The following PRDM6 variants were observed in gnomAD, a reference collection of about 807,000 sequenced individuals.
PRDM6 encodes putative histone-lysine N-methyltransferase PRDM6.
PRDM6 carries 25 observed loss-of-function variants against 60.8 expected under a neutral mutation model. The observed-to-expected ratio is 0.41, with a 90% confidence interval of 0.30 to 0.57. The LOEUF is 0.57. PRDM6 is among the 20% of genes least tolerant of loss of function. The probability of loss-of-function intolerance (pLI) is 0.27; values close to 1 mark genes in which losing one functional copy is unlikely to be tolerated. For missense variants in PRDM6, 839 were observed against 821.3 expected (o/e 1.02, Z -0.26); for synonymous variants, 407 against 357.4 (o/e 1.14, Z -1.57).
rs1235700350 is a variant in PRDM6 at position 123,099,916 on chromosome 5, G to A, written c.855G>A (p.Glu285=). The A allele has an allele frequency of 1.9e-6, 3 of 1,545,700 alleles. No homozygotes were observed. The highest frequency in any genetic ancestry group is 2.7e-5 in the African/African-American group (2 of 72,908). Residue 285 remains glutamate, a synonymous_variant, in exon 3 of 8, where the codon GAG becomes GAA. Transcript: ENST00000407847. This position sits in a 1 kb window ranked among gnomAD's most constrained non-coding sequence, Gnocchi z 4.0. ...GPFQGVLLPP[E]KVQAGAVRNT... Reference sequence around the variant, plus strand: ...TCCAAGGCGTGCTTCTGCCCCCAGAGAAGGTGCAGGCAGGCGCCGTGAGGA... The same window carrying A: ...TCCAAGGCGTGCTTCTGCCCCCAGAAAAGGTGCAGGCAGGCGCCGTGAGGA...
intron 3 of PRDM6, among the ~76,000 whole-genome samples, chr5:123,121,352 T>C (rs431518): frequency 0.87 from 132,003 of 152,106 alleles, 57,916 homozygotes; most frequent in East Asian, 0.99. Flanking sequence ...TTTCTTTTTT[T>C]GCTTCATTTT....
At chr5:123,133,509 T>A (rs936078029) in intron 3 of PRDM6, among the ~76,000 whole-genome samples, 4 of 152,086 alleles carry the variant, frequency 2.6e-5, no homozygotes, top group Admixed American at 6.6e-5. Flanking sequence ...GAATTAGCAT[T>A]GCAAATACAA....
intron 7 of PRDM6, among the ~76,000 whole-genome samples, chr5:123,182,964 A>G (rs927065428): frequency 7.2e-5 from 11 of 152,270 alleles, no homozygotes; most frequent in Non-Finnish European, 1.5e-4. Context: ...GAATTGATCT[A>G]TCCCAAGGGA....
chr5:123,176,642 G>A (rs1341718692), intron 6 of PRDM6, among the ~76,000 whole-genome samples: 1 of 152,180 alleles, frequency 6.6e-6, no homozygotes, highest in African/African-American at 2.4e-5. Context: ...GAGCACAGGA[G>A]TTTGAGGCTG....
Position 123,099,984 on chromosome 5 carries a change from C to A in PRDM6, c.900+23C>A. ...GAGGTAAGTGGCCGGCTGCACAGCGCCTCCCCACCGAGCAGGAGCCTTGGC... is the reference window on the plus strand; with the variant it reads ...GAGGTAAGTGGCCGGCTGCACAGCGACTCCCCACCGAGCAGGAGCCTTGGC... On this transcript the variant is annotated intron_variant, in intron 3 of 7. Transcript: ENST00000407847. The surrounding 1 kb of genome is among the most constrained non-coding windows in gnomAD (Gnocchi z 4.0). The A allele has an allele frequency of 6.8e-7, 1 of 1,480,540 alleles. No individual in the cohort carries two copies. The highest frequency in any genetic ancestry group is 9.0e-7 in the Non-Finnish European group (1 of 1,107,806). The allele number at this position is 1,480,540 out of a possible 1,614,324, so 91.7% of individuals were successfully genotyped here.
chr5:123,111,685 G>GGGGCGAC (rs1764317175), intron 3 of PRDM6, among the ~76,000 whole-genome samples: 1 of 68,182 alleles, frequency 1.5e-5, no homozygotes, highest in Non-Finnish European at 3.5e-5. Context: ...GCGACAGAGC[G>GGGGCGAC]AGAAAACAAA....
At chr5:123,177,336 AT>A (rs1269159821) in intron 6 of PRDM6, among the ~76,000 whole-genome samples, 2 of 152,320 alleles carry the variant, frequency 1.3e-5, no homozygotes, top group Non-Finnish European at 2.9e-5. Flanking sequence ...CTTTCTATAA[AT>A]TTCTAGGCTG....
chr5:123,165,723 A>C (rs1272980689), intron 5 of PRDM6, among the ~76,000 whole-genome samples: 3 of 152,108 alleles, frequency 2.0e-5, no homozygotes, highest in Non-Finnish European at 4.4e-5. Context: ...CAAGCATCTA[A>C]TCGTATTCCC....
intron 3 of PRDM6, among the ~76,000 whole-genome samples, chr5:123,128,522 A>G (rs891361148): frequency 1.3e-5 from 2 of 152,206 alleles, no homozygotes; most frequent in Non-Finnish European, 2.9e-5. Context: ...ATGACCAGTG[A>G]TGATGAGGAT....
chr5:123,125,513 A>C (rs1380455276), intron 3 of PRDM6, among the ~76,000 whole-genome samples: 1 of 152,244 alleles, frequency 6.6e-6, no homozygotes, highest in Non-Finnish European at 1.5e-5. Flanking sequence ...AATGAAATAT[A>C]CAGTGAGCCA....
At position 123,189,332 on chromosome 5, in the gene PRDM6, A is replaced by C. The variant is rs1338353856; in HGVS notation, c.*2131A>C. The C allele has an allele frequency of 2.6e-5, 4 of 152,184 alleles. No homozygotes were observed. The highest frequency in any genetic ancestry group is 4.4e-5 in the Non-Finnish European group (3 of 68,034). The allele number at this position is 152,184 out of a possible 1,614,324, so 9.4% of individuals were successfully genotyped here. A position where few individuals can be genotyped will look rare whatever the true frequency, so the allele number is the denominator to read the frequency against. On this transcript the variant is annotated 3_prime_UTR_variant, in exon 8 of 8. Coordinates refer to ENST00000407847, the MANE Select transcript of PRDM6 (RefSeq NM_001136239.4). ...TTTTTGAAAACAACAGTAGGGAATCACCTGTATATTTCTAATTTTTTTTTT... is the reference window on the plus strand; with the variant it reads ...TTTTTGAAAACAACAGTAGGGAATCCCCTGTATATTTCTAATTTTTTTTTT...
intron 2 of PRDM6, among the ~76,000 whole-genome samples, chr5:123,092,305 G>C (rs187535857): frequency 2.0e-5 from 3 of 152,320 alleles, no homozygotes; most frequent in Admixed American, 2.0e-4. Flanking sequence ...ATGTCTTACT[G>C]CTAAGTGAAA....
chr5:123,193,702 T>G lies in PRDM6; in HGVS notation c.*6501T>G, dbSNP rs1234332982. Reference sequence around the variant, plus strand: ...TTGGAAACTTAATGTCCCAAGTTAATTATTTTTTTTATATCAAGGGGAAGA... The same window carrying G: ...TTGGAAACTTAATGTCCCAAGTTAAGTATTTTTTTTATATCAAGGGGAAGA... On this transcript the variant is annotated 3_prime_UTR_variant, in exon 8 of 8. Transcript: ENST00000407847. The G allele has an allele frequency of 6.6e-6, 1 of 152,210 alleles. No individual in the cohort carries two copies. The highest frequency in any genetic ancestry group is 6.5e-5 in the Admixed American group (1 of 15,274). 9.4% of individuals were successfully genotyped at this position (152,210 alleles called of 1,614,324 possible). A position where few individuals can be genotyped will look rare whatever the true frequency, so the allele number is the denominator to read the frequency against.
At chr5:123,097,391 C>T (rs1763982416) in intron 2 of PRDM6, among the ~76,000 whole-genome samples, 1 of 152,030 alleles carries the variant, frequency 6.6e-6, no homozygotes, top group African/African-American at 2.4e-5. Context: ...TTAAAAATCT[C>T]TGGGTTTAGA....
At chr5:123,178,858 G>T (rs1372770581) in intron 6 of PRDM6, among the ~76,000 whole-genome samples, 1 of 152,120 alleles carries the variant, frequency 6.6e-6, no homozygotes, top group Non-Finnish European at 1.5e-5. Context: ...TTGTCTCCCG[G>T]CCCTTCATTT....
At position 123,090,166 on chromosome 5, in the gene PRDM6, A is replaced by AGCCGCC. The variant is rs563892036; in HGVS notation, c.162_167dup (p.Pro58_Pro59dup). On this transcript the variant is annotated inframe_insertion, in exon 2 of 8. Coordinates refer to ENST00000407847, the MANE Select transcript of PRDM6 (RefSeq NM_001136239.4). ...CTCCTGAGCGCGCCGCAGCCTCTTCAGCCGCCGCCGCCGCCCCCGCCCCCG... is the reference window on the plus strand; with the variant it reads ...CTCCTGAGCGCGCCGCAGCCTCTTCAGCCGCCGCCGCCGCCGCCGCCCCCGCCCCCG... 12,136 of 1,488,890 alleles carry AGCCGCC rather than the reference A, an allele frequency of 8.2e-3. 67 individuals are homozygous for AGCCGCC. Among genetic ancestry groups the AGCCGCC allele is most frequent in the Middle Eastern group, 0.016 (76 of 4,852 alleles). 92.2% of individuals were successfully genotyped at this position (1,488,890 alleles called of 1,614,324 possible).
At chr5:123,136,808 T>C (rs1764964466) in intron 3 of PRDM6, among the ~76,000 whole-genome samples, 1 of 151,660 alleles carries the variant, frequency 6.6e-6, no homozygotes, top group Admixed American at 6.6e-5. Context: ...ACTTTCAGCG[T>C]TCTCTCTCTG....
intron 2 of PRDM6, among the ~76,000 whole-genome samples, chr5:123,091,753 C>T (rs1763845134): frequency 6.6e-6 from 1 of 152,226 alleles, no homozygotes; most frequent in Admixed American, 6.5e-5. Context: ...CAGCTATTTT[C>T]TTCATCTCAT....
At chr5:123,144,182 C>T (rs556200314) in intron 3 of PRDM6, among the ~76,000 whole-genome samples, 1 of 152,186 alleles carries the variant, frequency 6.6e-6, no homozygotes, top group Non-Finnish European at 1.5e-5. Context: ...TTGAGTCTCA[C>T]CCTCCTCAGG....
Sources: allele counts gnomAD v4.1 joint callset (sites outside exome capture counted in the v4.1 genomes callset), GRCh38; gene constraint gnomAD v4.1.1; non-coding constraint Gnocchi (gnomAD v3.1); transcripts MANE v1.5; gene names NCBI Gene and HGNC (gene_info 2026-07-23, HGNC 2026-07-21).